The following GPR39 variants were observed in gnomAD, a reference collection of about 807,000 sequenced individuals.
GPR39 encodes G protein-coupled receptor 39.
A neutral mutation model predicts 18.4 loss-of-function variants in GPR39; 23 were observed. That is an observed-to-expected ratio of 1.25 (90% CI 0.90 to 1.77). The LOEUF (loss-of-function observed/expected upper bound fraction) is 1.77, where lower values mean the gene tolerates loss of function less well. Among genes scored for constraint, GPR39 ranks in the 40% most tolerant of loss-of-function variants. The probability of loss-of-function intolerance (pLI) is 0.00; values close to 1 mark genes in which losing one functional copy is unlikely to be tolerated. For missense variants in GPR39, 647 were observed against 602.4 expected, an observed-to-expected ratio of 1.07 and a Z score of -0.78; for synonymous variants, 280 against 257.9, an observed-to-expected ratio of 1.09 and a Z score of -0.82.
chr2:132,596,000 C>A (rs1304587739), intron 1 of GPR39, among the ~76,000 whole-genome samples: 1 of 152,102 alleles, frequency 6.6e-6, no homozygotes, highest in Admixed American at 6.5e-5. Flanking sequence ...AGCCAGCTCT[C>A]CCCCACCCTT....
At chr2:132,539,770 A>AGG (rs1222397381) in intron 1 of GPR39, among the ~76,000 whole-genome samples, 2 of 152,146 alleles carry the variant, frequency 1.3e-5, no homozygotes, top group Non-Finnish European at 2.9e-5. Flanking sequence ...AGGCTTTCCC[A>AGG]GATAAGACAG....
chr2:132,616,722 T>G (rs1681341184), intron 1 of GPR39, among the ~76,000 whole-genome samples: 1 of 152,236 alleles, frequency 6.6e-6, no homozygotes, highest in Non-Finnish European at 1.5e-5. Context: ...TGGGCTTGCC[T>G]CAGTGCTTTT....
intron 1 of GPR39, among the ~76,000 whole-genome samples, chr2:132,464,104 A>T (rs1021355282): frequency 3.9e-5 from 6 of 152,352 alleles, no homozygotes; most frequent in Middle Eastern, 3.4e-3. Flanking sequence ...AGCTGGTGAG[A>T]TAGATGTTAA....
intron 1 of GPR39, among the ~76,000 whole-genome samples, chr2:132,555,628 G>A (rs994131100): frequency 2.6e-5 from 4 of 152,140 alleles, no homozygotes; most frequent in African/African-American, 9.7e-5. Context: ...TTCAGCTTCG[G>A]AAGTCACTCA....
chr2:132,518,512 G>A (rs955069993), intron 1 of GPR39, among the ~76,000 whole-genome samples: 4 of 152,280 alleles, frequency 2.6e-5, no homozygotes, highest in African/African-American at 4.8e-5. Context: ...CATCCGCCCC[G>A]TTCATGGGCT....
At chr2:132,435,141 T>C (rs903817318) in intron 1 of GPR39, among the ~76,000 whole-genome samples, 20 of 152,288 alleles carry the variant, frequency 1.3e-4, no homozygotes, top group African/African-American at 4.8e-4. Context: ...TGGTACCATA[T>C]GGAAACATCT....
At chr2:132,582,915 CT>C (rs5834320) in intron 1 of GPR39, among the ~76,000 whole-genome samples, 3,049 of 101,558 alleles carry the variant, frequency 0.03, 74 homozygotes, top group African/African-American at 0.083. Flanking sequence ...TTCTTTCTTT[CT>C]TTTTTTTTTT....
chr2:132,621,954 T>C (rs1026084365), intron 1 of GPR39, among the ~76,000 whole-genome samples: 1 of 152,166 alleles, frequency 6.6e-6, no homozygotes, highest in African/African-American at 2.4e-5. Context: ...AATCTCAGGC[T>C]GGCGATGAGA....
intron 1 of GPR39, chr2:132,488,610 A>T (rs967825021): frequency 7.2e-5 from 11 of 152,486 alleles, no homozygotes; most frequent in African/African-American, 2.7e-4. Flanking sequence ...TTTTGTCTCT[A>T]CCATCTTGTC....
intron 1 of GPR39, among the ~76,000 whole-genome samples, chr2:132,570,052 C>A (rs1305017645): frequency 6.6e-6 from 1 of 152,180 alleles, no homozygotes; most frequent in Admixed American, 6.5e-5. Context: ...GGAAGCAGAA[C>A]TGGGACTGGG....
At chr2:132,588,322 G>C (rs922454781) in intron 1 of GPR39, among the ~76,000 whole-genome samples, 2 of 152,150 alleles carry the variant, frequency 1.3e-5, no homozygotes, top group Non-Finnish European at 2.9e-5. Flanking sequence ...TGGGAGGGAA[G>C]GATGGCCAAG....
chr2:132,574,711 G>A (rs1010268825), intron 1 of GPR39, among the ~76,000 whole-genome samples: 2 of 152,228 alleles, frequency 1.3e-5, no homozygotes, highest in African/African-American at 4.8e-5. Flanking sequence ...CTCTAGTCTG[G>A]GTGACAGAGT....
chr2:132,571,688 C>T (rs1316092001), intron 1 of GPR39, among the ~76,000 whole-genome samples: 2 of 151,970 alleles, frequency 1.3e-5, no homozygotes, highest in African/African-American at 2.4e-5. Flanking sequence ...CTGGGTGCAC[C>T]ATCTGGGGGT....
chr2:132,645,080 C>T (rs1681981069), intron 1 of GPR39, 21 bp from the exon 2 acceptor site: 2 of 1,596,384 alleles, frequency 1.3e-6, no homozygotes, highest in Non-Finnish European at 1.7e-6. Flanking sequence ...CTGTCTCTCC[C>T]TCCTGCTCGT....
intron 1 of GPR39, among the ~76,000 whole-genome samples, chr2:132,581,254 C>T (rs759449016): frequency 4.0e-5 from 6 of 151,532 alleles, no homozygotes; most frequent in South Asian, 2.1e-4. Flanking sequence ...TAGCAAGAAA[C>T]GATTCAGTCC....
intron 1 of GPR39, among the ~76,000 whole-genome samples, chr2:132,537,730 G>A (rs1413424022): frequency 6.6e-6 from 1 of 151,830 alleles, no homozygotes; most frequent in Non-Finnish European, 1.5e-5. Context: ...TTTCTCAGAG[G>A]TTTTGTTCTT....
At chr2:132,477,903 T>C (rs1407056495) in intron 1 of GPR39, among the ~76,000 whole-genome samples, 1 of 152,344 alleles carries the variant, frequency 6.6e-6, no homozygotes, top group African/African-American at 2.4e-5. Context: ...GTGAACTTAG[T>C]CTTTGGAAAT....
intron 1 of GPR39, among the ~76,000 whole-genome samples, chr2:132,518,211 A>G (rs181495643): frequency 2.0e-5 from 3 of 152,302 alleles, no homozygotes; most frequent in Non-Finnish European, 4.4e-5. Flanking sequence ...ATAATTATTG[A>G]AAGCTAGGGT....
intron 1 of GPR39, among the ~76,000 whole-genome samples, chr2:132,580,903 A>C (rs1223155842): frequency 6.7e-6 from 1 of 148,996 alleles, no homozygotes; most frequent in Non-Finnish European, 1.5e-5. Context: ...CAGATGTTGC[A>C]GTGAGCAGAG....
Sources: gnomAD v4.1 joint callset for allele counts (sites outside exome capture counted in the v4.1 genomes callset) on GRCh38, gnomAD v4.1.1 for gene constraint, MANE v1.5 for transcripts, NCBI Gene and HGNC (gene_info 2026-07-23, HGNC 2026-07-21) for gene names.